MAML2: variants seen among roughly 807,000 people sequenced by gnomAD.
MAML2 encodes the protein mastermind like transcriptional coactivator 2, also known as mastermind-like protein 2.
MAML2 carries 22 observed loss-of-function variants against 96.1 expected under a neutral mutation model. The observed-to-expected ratio is 0.23, with a 90% CI of 0.16 to 0.33. MAML2 has a LOEUF of 0.33. Ranked by LOEUF, MAML2 falls within the 10% of genes least tolerant of loss-of-function variation. The pLI is 1.00. For missense variants in MAML2, 1,367 were observed against 1,392.4 expected, an observed-to-expected ratio of 0.98 and a Z score of 0.29; for synonymous variants, 561 against 521.3, an observed-to-expected ratio of 1.08 and a Z score of -1.04.
chr11:96,318,917 T>C (rs11606555), intron 1 of MAML2, among the ~76,000 whole-genome samples: 16,828 of 152,284 alleles, frequency 0.11, 1,130 homozygotes, highest in African/African-American at 0.19. Context: ...TAAATGGCCT[T>C]TAAGATGGCT....
intron 2 of MAML2, among the ~76,000 whole-genome samples, chr11:95,993,221 A>AC (rs1197210903): frequency 6.6e-6 from 1 of 151,938 alleles, no homozygotes; most frequent in East Asian, 1.9e-4. Context: ...AAAAAAAAAA[A>AC]AATCCATCTG....
At chr11:96,163,960 T>C (rs1861153583) in intron 1 of MAML2, among the ~76,000 whole-genome samples, 1 of 151,436 alleles carries the variant, frequency 6.6e-6, no homozygotes, top group South Asian at 2.1e-4. Context: ...CCTCCCGGGT[T>C]CAAGCGATTC....
intron 1 of MAML2, among the ~76,000 whole-genome samples, chr11:96,252,116 CT>C (rs1239644814): frequency 6.6e-6 from 1 of 152,022 alleles, no homozygotes; most frequent in African/African-American, 2.4e-5. Context: ...GGTCTAAATA[CT>C]TTTTCCCATA....
At chr11:96,262,307 T>C (rs888539733) in intron 1 of MAML2, among the ~76,000 whole-genome samples, 1 of 152,198 alleles carries the variant, frequency 6.6e-6, no homozygotes, top group Admixed American at 6.5e-5. Context: ...AACATTCTCA[T>C]AGATTAATTT....
At chr11:96,000,467 T>C (rs1156399949) in intron 2 of MAML2, among the ~76,000 whole-genome samples, 2 of 152,206 alleles carry the variant, frequency 1.3e-5, no homozygotes, top group Non-Finnish European at 2.9e-5. Context: ...ATTTACTACC[T>C]GGCCCTTTAC....
Position 96,151,389 on chromosome 11 carries a change from T to C in MAML2, c.514-57872A>G, listed in dbSNP as rs138245045. On this transcript the variant is annotated intron_variant, in intron 1 of 4. Transcript: ENST00000524717. ...TATCTTGCATTACAGTTATGAGTTA[T>C]ATTTCTTGACAGCAAGTAATCCGAA... 2.4e-4 allele frequency among the ~76,000 whole-genome samples: 36 copies of C among 152,372 alleles called. No homozygotes were observed. The East Asian group carries it at 5.8e-3, about 24-fold the overall frequency.
At chr11:96,312,476 A>G (rs1044220949) in intron 1 of MAML2, among the ~76,000 whole-genome samples, 2 of 152,172 alleles carry the variant, frequency 1.3e-5, no homozygotes, top group Non-Finnish European at 2.9e-5. Flanking sequence ...CTGAGTCTGA[A>G]TGGACAGTAG....
chr11:95,998,436 A>T (rs1162288298), intron 2 of MAML2, among the ~76,000 whole-genome samples: 1 of 152,196 alleles, frequency 6.6e-6, no homozygotes, highest in African/African-American at 2.4e-5. Context: ...TTTTCTAAAA[A>T]GTAGGTACTG....
At chr11:96,075,558 A>G (rs893627516) in intron 2 of MAML2, among the ~76,000 whole-genome samples, 1 of 152,172 alleles carries the variant, frequency 6.6e-6, no homozygotes, top group African/African-American at 2.4e-5. Flanking sequence ...TTAAGTGCCT[A>G]CAGAGTGCTA....
chr11:96,185,881 A>G (rs1861567779), intron 1 of MAML2, among the ~76,000 whole-genome samples: 3 of 152,210 alleles, frequency 2.0e-5, no homozygotes, highest in Admixed American at 1.3e-4. Flanking sequence ...CAGATGAGGC[A>G]CAGTTTAATG....
intron 1 of MAML2, among the ~76,000 whole-genome samples, chr11:96,293,109 G>A (rs188447701): frequency 1.3e-5 from 2 of 152,252 alleles, no homozygotes; most frequent in East Asian, 3.9e-4. Context: ...TAAAACAACA[G>A]CTATAAAGTC....
chr11:96,096,969 G>A (rs372756603), intron 1 of MAML2, among the ~76,000 whole-genome samples: 28 of 151,940 alleles, frequency 1.8e-4, no homozygotes, highest in African/African-American at 6.3e-4. Context: ...TTTGGGGATA[G>A]GCTGTGCCCT....
Position 96,092,013 on chromosome 11 carries a change from G to A in MAML2, c.2018C>T (p.Ser673Phe). Reference protein sequence around the residue: ...QQQPSSQPAQSLPSQPLLRSP... With the variant: ...QQQPSSQPAQFLPSQPLLRSP... ...CCTTAGCAAAGGCTGGCTTGGTAGA[G>A]ATTGGGCAGGCTGAGAAGATGGTTG... The change falls in exon 2 of 5, where the codon TCT (serine) becomes TTT (phenylalanine). Residue 673 changes from serine to phenylalanine, a missense_variant. Physicochemically the swap from Ser to Phe is radical, Grantham distance 155. Transcript: ENST00000524717. The surrounding 1 kb of genome is among the most constrained non-coding windows in gnomAD (Gnocchi z 4.1). 6.4e-7 allele frequency: 1 copy of A among 1,573,700 alleles called. No homozygotes were observed. The highest frequency in any genetic ancestry group is 1.2e-5 in the South Asian group (1 of 85,860).
In MAML2 at chr11:96,149,432, A is replaced by AAAAAAAAAAAAAT. The variant is rs59453325; in HGVS notation, c.514-55916_514-55915insATTTTTTTTTTTT. ...ACTCCGTCACAAAAAAAAAAAAAAA[A>AAAAAAAAAAAAAT]TGAGAAGTTAAGTTTTCAGCCAGGC... On this transcript the variant is annotated intron_variant, in intron 1 of 4. Transcript: ENST00000524717. Among the ~76,000 whole-genome samples, 2 of 112,588 alleles carry AAAAAAAAAAAAAT rather than the reference A, an allele frequency of 1.8e-5. 1 individual carries two copies. The highest frequency in any genetic ancestry group is 3.5e-5 in the Non-Finnish European group (2 of 57,552). The allele number at this position is 112,588 out of a possible 152,430, so 73.9% of individuals were successfully genotyped here.
chr11:96,335,070 G>A (rs182184912), intron 1 of MAML2, among the ~76,000 whole-genome samples: 73 of 152,314 alleles, frequency 4.8e-4, no homozygotes, highest in African/African-American at 1.7e-3. Context: ...TCAGGGAGGA[G>A]GGAGATGTTG....
At chr11:96,102,804 A>G (rs1240846197) in intron 1 of MAML2, among the ~76,000 whole-genome samples, 1 of 152,242 alleles carries the variant, frequency 6.6e-6, no homozygotes, top group Non-Finnish European at 1.5e-5. Context: ...TGTGTTTAAC[A>G]GAGAAATGCA....
intron 1 of MAML2, among the ~76,000 whole-genome samples, chr11:96,183,882 T>C (rs1861530871): frequency 6.6e-6 from 1 of 152,212 alleles, no homozygotes; most frequent in Non-Finnish European, 1.5e-5. Context: ...AACTTTTTAC[T>C]AATATATTAT....
At chr11:96,148,472 A>G (rs1021472519) in intron 1 of MAML2, among the ~76,000 whole-genome samples, 1 of 151,702 alleles carries the variant, frequency 6.6e-6, no homozygotes, top group African/African-American at 2.4e-5. Flanking sequence ...AAAAAAAAAA[A>G]GCCTAGGTGT....
chr11:96,180,365 C>T (rs1861463978), intron 1 of MAML2, among the ~76,000 whole-genome samples: 1 of 152,184 alleles, frequency 6.6e-6, no homozygotes, highest in Non-Finnish European at 1.5e-5. Context: ...TGCTCTGTGA[C>T]TTCCAAGGCT....
Sources: gnomAD v4.1 joint callset for allele counts (sites outside exome capture counted in the v4.1 genomes callset) on GRCh38, gnomAD v4.1.1 for gene constraint, Gnocchi (gnomAD v3.1) non-coding constraint, MANE v1.5 for transcripts, NCBI Gene and HGNC (gene_info 2026-07-23, HGNC 2026-07-21) for gene names.